Variants in AKAP6 observed in about 807,000 individuals in gnomAD.
The protein encoded by AKAP6 is A-kinase anchor protein 6.
Under a neutral mutation model 188.5 loss-of-function variants are expected in AKAP6, and 58 were observed. The observed-to-expected ratio is 0.31, with a 90% CI of 0.25 to 0.38. The LOEUF (loss-of-function observed/expected upper bound fraction) is 0.38, where lower values mean the gene tolerates loss of function less well. Ranked by LOEUF, AKAP6 falls within the 10% of genes least tolerant of loss-of-function variation. AKAP6 has a pLI of 1.00. For synonymous variants in AKAP6, 989 were observed against 998.6 expected (o/e 0.99, Z 0.18); for missense variants, 2,710 against 2,740.0 (o/e 0.99, Z 0.24).
intron 1 of AKAP6, among the ~76,000 whole-genome samples, chr14:32,357,858 C>A (rs1296330076): frequency 1.3e-5 from 2 of 152,212 alleles, no homozygotes; most frequent in Non-Finnish European, 2.9e-5. Context: ...AATGCACAAT[C>A]TGCATTGTAG....
chr14:32,399,526 A>G (rs1889009568), intron 1 of AKAP6, among the ~76,000 whole-genome samples: 1 of 152,160 alleles, frequency 6.6e-6, no homozygotes, highest in Non-Finnish European at 1.5e-5. Context: ...AGGAGTACAC[A>G]TTGGATACCA....
chr14:32,713,030 A>G (rs1197259361), intron 9 of AKAP6, among the ~76,000 whole-genome samples: 1 of 152,100 alleles, frequency 6.6e-6, no homozygotes, highest in African/African-American at 2.4e-5. Flanking sequence ...TTGAAAGTCA[A>G]GATTACACCT....
chr14:32,344,390 G>A (rs1886995941), intron 1 of AKAP6, among the ~76,000 whole-genome samples: 2 of 152,216 alleles, frequency 1.3e-5, no homozygotes, highest in African/African-American at 4.8e-5. Flanking sequence ...AGCTGAGCAA[G>A]ATAATGGGGA....
intron 1 of AKAP6, among the ~76,000 whole-genome samples, chr14:32,338,542 G>A (rs942558509): frequency 2.6e-5 from 4 of 152,124 alleles, no homozygotes; most frequent in African/African-American, 9.7e-5. Context: ...TAGGGAAGGT[G>A]AGCAGGGAAT....
intron 7 of AKAP6, among the ~76,000 whole-genome samples, chr14:32,675,817 CT>C (rs1195411870): frequency 6.6e-6 from 1 of 152,188 alleles, no homozygotes; most frequent in African/African-American, 2.4e-5. Flanking sequence ...TTACTCTCAG[CT>C]TTGTTCTCTG....
chr14:32,821,547 T>C lies in AKAP6; in HGVS notation c.3734T>C (p.Val1245Ala). The change falls in exon 13 of 14, where the codon GTT becomes GCT. Residue 1245 changes from valine to alanine, a missense_variant. By Grantham distance (64) the Val-to-Ala change is moderately conservative. Transcript: ENST00000280979. ...SNDLDQELQP[V>A]IPSLKLGETS... ...GACCTTGATCAAGAACTCCAACCTG[T>C]TATCCCTTCCTTGAAGCTTGGAGAG... 1.2e-6 allele frequency: 2 copies of C among 1,613,772 alleles called. No homozygotes were observed. Among genetic ancestry groups the C allele is most frequent in the Non-Finnish European group, 1.7e-6 (2 of 1,179,838 alleles).
rs544035049 is a variant in AKAP6, at chr14:32,523,147, G to A, written c.325-12407G>A. On this transcript the variant is annotated intron_variant, in intron 2 of 13. Transcript: ENST00000280979. Reference sequence around the variant, plus strand: ...AACAATGAGAACACTTGGACACAGGGTGGGGAACATCACACACCGGGGCCT... The same window carrying A: ...AACAATGAGAACACTTGGACACAGGATGGGGAACATCACACACCGGGGCCT... Among the ~76,000 whole-genome samples, 120 of 151,070 alleles carry A rather than the reference G, an allele frequency of 7.9e-4. 1 individual carries two copies. The highest frequency in any genetic ancestry group is 2.7e-3 in the African/African-American group (113 of 41,138).
At chr14:32,522,587 A>T (rs1470463986) in intron 2 of AKAP6, among the ~76,000 whole-genome samples, 2 of 152,258 alleles carry the variant, frequency 1.3e-5, no homozygotes, top group African/African-American at 4.8e-5. Context: ...CACATGAAAA[A>T]AATGCTCATC....
At chr14:32,344,862 G>A (rs965402564) in intron 1 of AKAP6, among the ~76,000 whole-genome samples, 2 of 148,834 alleles carry the variant, frequency 1.3e-5, no homozygotes, top group African/African-American at 2.5e-5. Flanking sequence ...GTTGCAGTGA[G>A]CCGAGATAGC....
chr14:32,399,597 A>G (rs1889012103), intron 1 of AKAP6, among the ~76,000 whole-genome samples: 1 of 152,132 alleles, frequency 6.6e-6, no homozygotes, highest in Non-Finnish European at 1.5e-5. Context: ...AACACTTTAC[A>G]AAGTGTTGAG....
intron 7 of AKAP6, among the ~76,000 whole-genome samples, chr14:32,672,647 G>A (rs1019841631): frequency 2.6e-5 from 4 of 152,030 alleles, no homozygotes; most frequent in African/African-American, 9.7e-5. Flanking sequence ...GTCACATTGG[G>A]GGTTAGGGCT....
intron 12 of AKAP6, among the ~76,000 whole-genome samples, chr14:32,820,379 C>T (rs1401119381): frequency 1.3e-5 from 2 of 152,018 alleles, no homozygotes; most frequent in Non-Finnish European, 2.9e-5. Flanking sequence ...GTCCAGGAGC[C>T]TAGCCAGCTA....
intron 12 of AKAP6, among the ~76,000 whole-genome samples, chr14:32,795,775 T>A (rs1436428861): frequency 6.6e-6 from 1 of 152,192 alleles, no homozygotes; most frequent in Non-Finnish European, 1.5e-5. Flanking sequence ...TACTGGAAGT[T>A]CTGCCCAGCA....
At chr14:32,630,928 T>C (rs190222782) in intron 7 of AKAP6, among the ~76,000 whole-genome samples, 1 of 152,100 alleles carries the variant, frequency 6.6e-6, no homozygotes, top group African/African-American at 2.4e-5. Flanking sequence ...CTGGCTTCTT[T>C]TGTAGCCATT....
intron 1 of AKAP6, among the ~76,000 whole-genome samples, chr14:32,388,552 C>A (rs1888607050): frequency 2.0e-5 from 3 of 152,032 alleles, no homozygotes; most frequent in African/African-American, 7.2e-5. Flanking sequence ...GGTTGTGTCA[C>A]TATTGTCATT....
intron 1 of AKAP6, among the ~76,000 whole-genome samples, chr14:32,425,764 T>C (rs1039272080): frequency 1.3e-5 from 2 of 152,196 alleles, no homozygotes; most frequent in African/African-American, 4.8e-5. Context: ...GTTAGATGCA[T>C]AGTTTGCAAA....
At chr14:32,776,582 A>C (rs1213926328) in intron 12 of AKAP6, among the ~76,000 whole-genome samples, 3 of 152,234 alleles carry the variant, frequency 2.0e-5, no homozygotes, top group Non-Finnish European at 4.4e-5. Context: ...ATACTTGCAC[A>C]TAGTAGGTCT....
At chr14:32,474,317 C>T (rs1260412334) in intron 2 of AKAP6, 1 of 152,190 alleles carries the variant, frequency 6.6e-6, no homozygotes, top group African/African-American at 2.4e-5. Context: ...AATTCATTAA[C>T]AAGGAATAAA....
intron 8 of AKAP6, among the ~76,000 whole-genome samples, chr14:32,694,079 G>A (rs1013987772): frequency 6.6e-6 from 1 of 151,974 alleles, no homozygotes; most frequent in African/African-American, 2.4e-5. Context: ...GTGGTCCATG[G>A]GGCCAGGCGC....
Sources: allele counts gnomAD v4.1 joint callset (sites outside exome capture counted in the v4.1 genomes callset), GRCh38; gene constraint gnomAD v4.1.1; transcripts MANE v1.5; gene names NCBI Gene and HGNC (gene_info 2026-07-23, HGNC 2026-07-21).